The following DNAI4 variants were observed in gnomAD, a reference collection of about 807,000 sequenced individuals.
The protein encoded by DNAI4 is WD repeat domain 78.
Under a neutral mutation model 105.8 loss-of-function variants are expected in DNAI4, and 85 were observed. The observed-to-expected ratio is 0.80, with a 90% CI of 0.67 to 0.96. The LOEUF (loss-of-function observed/expected upper bound fraction) is 0.96. Among genes scored for constraint, DNAI4 ranks in the 40% least tolerant of loss-of-function variants. The pLI is 0.00. For synonymous variants in DNAI4, 352 were observed against 331.5 expected, an observed-to-expected ratio of 1.06 and a Z score of -0.67; for missense variants, 1,014 against 1,005.6, an observed-to-expected ratio of 1.01 and a Z score of -0.11.
At chr1:66,902,946 A>T (rs1205034334) in intron 2 of DNAI4, among the ~76,000 whole-genome samples, 1 of 152,158 alleles carries the variant, frequency 6.6e-6, no homozygotes, top group Non-Finnish European at 1.5e-5. Flanking sequence ...ATTACTATAG[A>T]TGTGTAATAA....
chr1:66,818,443 A>T (rs2100301781), intron 16 of DNAI4, among the ~76,000 whole-genome samples: 1 of 152,270 alleles, frequency 6.6e-6, no homozygotes, highest in South Asian at 2.1e-4. Flanking sequence ...CTCACTTAGC[A>T]TGTATTAAAA....
chr1:66,893,084 A>AGAAAG (rs1491237445), intron 3 of DNAI4, 145 bp downstream of exon 3: 2 of 396,758 alleles, frequency 5.0e-6, no homozygotes, highest in Admixed American at 4.4e-5. Context: ...AAAGAAAGAA[A>AGAAAG]GAAAGAAAGA....
chr1:66,893,063 GAGAAAGAA>G (rs768595484), intron 3 of DNAI4, among the ~76,000 whole-genome samples, 158 bp downstream of exon 3: 3,233 of 89,486 alleles, frequency 0.036, 105 homozygotes, highest in East Asian at 0.089. Flanking sequence ...AAGAGAGAGA[GAGAAAGAA>G]AGAAAGAAAG....
chr1:66,865,102 A>C (rs951374589), intron 6 of DNAI4, among the ~76,000 whole-genome samples: 1 of 152,172 alleles, frequency 6.6e-6, no homozygotes, highest in African/African-American at 2.4e-5. Flanking sequence ...ACACTAAAGA[A>C]TTTAGATGCA....
intron 1 of DNAI4, among the ~76,000 whole-genome samples, chr1:66,912,697 C>T (rs1276322878): frequency 6.6e-6 from 1 of 152,112 alleles, no homozygotes; most frequent in Admixed American, 6.6e-5. Flanking sequence ...GTCACGGGCG[C>T]GCATGCTCAA....
rs1646127149 is a variant in DNAI4 at position 66,840,527 on chromosome 1, GA to G, written c.1435del (p.Ser479ProfsTer4). 5 of 1,614,172 alleles carry G rather than the reference GA, an allele frequency of 3.1e-6. No individual in the cohort carries two copies. Among genetic ancestry groups the G allele is most frequent in the Non-Finnish European group, 4.2e-6 (5 of 1,180,024 alleles). On this transcript the variant is annotated frameshift_variant, in exon 9 of 17. Transcript: ENST00000371026. LOFTEE classifies it high-confidence loss of function. ...PANLERLWSF[S>X]CDLTKGLNVS... ...ATTGAGGCCTTTGGTTAAGTCACAG[GA>G]AAAAGACCAAAGTCGTTCCAAGTTG...
At chr1:66,912,996 C>G (rs1197462536) in intron 1 of DNAI4, among the ~76,000 whole-genome samples, 1 of 152,090 alleles carries the variant, frequency 6.6e-6, no homozygotes. Context: ...TTACTTGCTT[C>G]CAACACAAGA....
At chr1:66,923,836 T>C (rs1650804491) in intron 1 of DNAI4, among the ~76,000 whole-genome samples, 1 of 152,188 alleles carries the variant, frequency 6.6e-6, no homozygotes, top group South Asian at 2.1e-4. Flanking sequence ...TGGGCAGCAT[T>C]ACGGGCAGCG....
chr1:66,833,459 C>A (rs1645911430), intron 13 of DNAI4, 126 bp downstream of exon 13: 1 of 1,097,982 alleles, frequency 9.1e-7, no homozygotes, highest in East Asian at 2.6e-5. Flanking sequence ...TATCTACTTT[C>A]TGTCTCTAAT....
chr1:66,924,255 C>T (rs561073653), intron 1 of DNAI4, among the ~76,000 whole-genome samples: 2 of 152,366 alleles, frequency 1.3e-5, no homozygotes, highest in East Asian at 1.9e-4. Flanking sequence ...ACTGCAACCT[C>T]CGCCTTCCGG....
At chr1:66,822,254 T>C in intron 16 of DNAI4, 107 bp downstream of exon 16, 1 of 1,039,466 alleles carries the variant, frequency 9.6e-7, no homozygotes, top group East Asian at 2.8e-5. Flanking sequence ...TGTTCTTTTA[T>C]TATATTACAC....
intron 13 of DNAI4, among the ~76,000 whole-genome samples, chr1:66,833,222 A>C (rs567861576): frequency 1.3e-5 from 2 of 152,334 alleles, no homozygotes; most frequent in East Asian, 3.9e-4. Context: ...TTTTAAAAAA[A>C]AGCTTTATTG....
intron 15 of DNAI4, among the ~76,000 whole-genome samples, chr1:66,823,456 T>C (rs1326147144): frequency 6.6e-6 from 1 of 151,064 alleles, no homozygotes; most frequent in African/African-American, 2.4e-5. Flanking sequence ...ATGGTATTTC[T>C]AGTTCTAGAT....
intron 13 of DNAI4, among the ~76,000 whole-genome samples, chr1:66,830,608 C>A (rs1463646725): frequency 6.6e-6 from 1 of 151,852 alleles, no homozygotes; most frequent in Non-Finnish European, 1.5e-5. Context: ...GAAACCCTGT[C>A]CCTACTAAAA....
intron 6 of DNAI4, among the ~76,000 whole-genome samples, chr1:66,867,648 G>C (rs998961362): frequency 1.3e-5 from 2 of 152,138 alleles, no homozygotes; most frequent in East Asian, 3.9e-4. Flanking sequence ...GGAGGGACAC[G>C]TCAGAACTAC....
At chr1:66,842,393 T>C (rs1053243260) in intron 8 of DNAI4, among the ~76,000 whole-genome samples, 1 of 152,060 alleles carries the variant, frequency 6.6e-6, no homozygotes, top group African/African-American at 2.4e-5. Flanking sequence ...TGTTTGTTTG[T>C]TTTGTTTTGT....
intron 4 of DNAI4, among the ~76,000 whole-genome samples, chr1:66,882,170 T>A (rs1647087427): frequency 6.6e-6 from 1 of 152,188 alleles, no homozygotes; most frequent in South Asian, 2.1e-4. Flanking sequence ...ACAGTTGGGT[T>A]TTTTTTACTG....
chr1:66,856,916 C>T (rs887800927), intron 7 of DNAI4, among the ~76,000 whole-genome samples: 4 of 151,682 alleles, frequency 2.6e-5, no homozygotes, highest in African/African-American at 9.7e-5. Context: ...AAGCTTCCAC[C>T]TTAGGACACT....
At chr1:66,828,040 AC>A in intron 13 of DNAI4, 130 bp from the exon 14 acceptor site, 1 of 509,602 alleles carries the variant, frequency 2.0e-6, no homozygotes, top group Non-Finnish European at 3.5e-6. Context: ...TCTTGAATAT[AC>A]CAATCTTGTC....
Sources: gnomAD v4.1 joint callset for allele counts (sites outside exome capture counted in the v4.1 genomes callset) on GRCh38, gnomAD v4.1.1 for gene constraint, MANE v1.5 for transcripts, NCBI Gene and HGNC (gene_info 2026-07-23, HGNC 2026-07-21) for gene names.